Variants in RANBP2 observed in about 807,000 individuals in gnomAD.
RANBP2 encodes the protein E3 SUMO-protein ligase RanBP2.
A neutral mutation model predicts 303.6 loss-of-function variants in RANBP2; 57 were observed. That is an observed-to-expected ratio of 0.19 (90% CI 0.15 to 0.23). The LOEUF is 0.23. Ranked by LOEUF, RANBP2 falls within the 10% of genes least tolerant of loss-of-function variation. The pLI, the probability that RANBP2 is intolerant of heterozygous loss-of-function variation, is 1.00. For missense variants in RANBP2, 3,138 were observed against 3,780.8 expected (o/e 0.83, Z 4.46); for synonymous variants, 1,167 against 1,301.5 (o/e 0.90, Z 2.23).
At chr2:109,508,923 G>A in the RANBP2 span, among the ~76,000 whole-genome samples, 3 of 152,196 alleles carry the variant, frequency 2.0e-5, no homozygotes, top group South Asian at 2.1e-4. Context: ...AGCCCGGGAC[G>A]GGGGGATGCA....
the RANBP2 span, among the ~76,000 whole-genome samples, chr2:109,663,029 A>C: frequency 6.6e-6 from 1 of 152,218 alleles, no homozygotes; most frequent in African/African-American, 2.4e-5. Context: ...AGTTGCTTGG[A>C]ACATCATTCA....
the RANBP2 span, among the ~76,000 whole-genome samples, chr2:109,186,640 G>A: frequency 1.0e-3 from 156 of 152,274 alleles, 1 homozygote; most frequent in African/African-American, 3.6e-3. Flanking sequence ...TTTGGGTTGG[G>A]ATGGAGCCCC....
At chr2:109,586,658 T>C in the RANBP2 span, among the ~76,000 whole-genome samples, 989 of 152,152 alleles carry the variant, frequency 6.5e-3, 9 homozygotes, top group African/African-American at 0.023. Context: ...AAAATGGGAA[T>C]TGGGAGGAGC....
the RANBP2 span, among the ~76,000 whole-genome samples, chr2:109,639,637 A>T: frequency 2.0e-5 from 3 of 152,074 alleles, no homozygotes; most frequent in Admixed American, 6.6e-5. Context: ...AAAATAAAAA[A>T]AAATAAAAAA....
chr2:109,176,445 A>G, the RANBP2 span, among the ~76,000 whole-genome samples: 1 of 152,218 alleles, frequency 6.6e-6, no homozygotes, highest in Admixed American at 6.5e-5. Context: ...ATCAAAAGGC[A>G]TAGGGGCCAG....
chr2:108,802,818 T>C, the RANBP2 span, among the ~76,000 whole-genome samples: 13 of 152,164 alleles, frequency 8.5e-5, no homozygotes, highest in Non-Finnish European at 1.9e-4. Flanking sequence ...ATACCTAATT[T>C]ATTGAGAGTT....
chr2:108,907,920 G>A, the RANBP2 span: 1 of 1,613,664 alleles, frequency 6.2e-7, no homozygotes, highest in East Asian at 2.2e-5. Context: ...GCGACAGCAG[G>A]CACAGCTCCG....
chr2:109,615,438 C>T, the RANBP2 span: 1 of 1,613,138 alleles, frequency 6.2e-7, no homozygotes, highest in South Asian at 1.1e-5. Context: ...CAGGCAGGAG[C>T]TTCTGGCCAT....
the RANBP2 span, chr2:109,545,054 CTATTT>C: frequency 3.0e-6 from 3 of 985,268 alleles, no homozygotes; most frequent in African/African-American, 3.5e-5. Flanking sequence ...TTATGTTTTC[CTATTT>C]TAAAGTTGAG....
chr2:109,422,013 G>A, the RANBP2 span, among the ~76,000 whole-genome samples: 166 of 152,310 alleles, frequency 1.1e-3, 1 homozygote, highest in African/African-American at 3.9e-3. Context: ...AAGGGGATTA[G>A]CCTGACTGCT....
At chr2:109,461,414 C>T in the RANBP2 span, among the ~76,000 whole-genome samples, 3 of 151,344 alleles carry the variant, frequency 2.0e-5, no homozygotes, top group East Asian at 1.9e-4. Context: ...AAAGGCCCCA[C>T]GTAGCATCCC....
chr2:109,689,241 C>T, the RANBP2 span, among the ~76,000 whole-genome samples: 645 of 152,230 alleles, frequency 4.2e-3, 21 homozygotes, highest in Admixed American at 0.041. Context: ...TTACCTCTGC[C>T]TGAAAATCTG....
At chr2:109,677,276 G>T in the RANBP2 span, among the ~76,000 whole-genome samples, 2 of 152,112 alleles carry the variant, frequency 1.3e-5, no homozygotes, top group African/African-American at 2.4e-5. Flanking sequence ...GACCCATTCA[G>T]ATCCCACCAC....
the RANBP2 span, among the ~76,000 whole-genome samples, chr2:108,831,720 C>CCTTCCTTCCTTCCTT: frequency 6.6e-6 from 1 of 151,668 alleles, no homozygotes; most frequent in Non-Finnish European, 1.5e-5. Flanking sequence ...TTCCTTCCTT[C>CCTTCCTTCCTTCCTT]CTTCCTTCCT....
At chr2:109,210,378 G>A in the RANBP2 span, among the ~76,000 whole-genome samples, 3 of 152,208 alleles carry the variant, frequency 2.0e-5, no homozygotes, top group Admixed American at 6.5e-5. Context: ...AAGCGGGAAA[G>A]CCTGGTCTTT....
the RANBP2 span, among the ~76,000 whole-genome samples, chr2:109,284,664 T>C: frequency 6.6e-6 from 1 of 152,210 alleles, no homozygotes; most frequent in Non-Finnish European, 1.5e-5. Flanking sequence ...ACCATGTTTT[T>C]GAGGCTTTAG....
the RANBP2 span, among the ~76,000 whole-genome samples, chr2:109,155,831 T>C: frequency 6.6e-6 from 1 of 152,230 alleles, no homozygotes; most frequent in Admixed American, 6.5e-5. Context: ...AACTAGGTGG[T>C]CAGCCTTCAA....
chr2:109,089,742 G>C, the RANBP2 span, among the ~76,000 whole-genome samples: 1 of 152,160 alleles, frequency 6.6e-6, no homozygotes, highest in Non-Finnish European at 1.5e-5. Context: ...TCAGTTCTTT[G>C]ATAGTTTTTG....
chr2:109,231,635 A>G, the RANBP2 span, among the ~76,000 whole-genome samples: 78 of 152,346 alleles, frequency 5.1e-4, no homozygotes, highest in Middle Eastern at 0.01. Context: ...CTCTCAGATG[A>G]CATGTGGCTG....
Sources: gnomAD v4.1 joint callset for allele counts (sites outside exome capture counted in the v4.1 genomes callset) on GRCh38, gnomAD v4.1.1 for gene constraint, MANE v1.5 for transcripts, NCBI Gene and HGNC (gene_info 2026-07-23, HGNC 2026-07-21) for gene names.